Variants in TACC1 observed in about 807,000 individuals in gnomAD.
The protein encoded by TACC1 is transforming acidic coiled-coil containing protein 1, also known as transforming acidic coiled-coil-containing protein 1.
TACC1 carries 48 observed loss-of-function variants against 84.4 expected under a neutral mutation model. The observed-to-expected ratio is 0.57, with a 90% confidence interval of 0.45 to 0.72. The LOEUF (loss-of-function observed/expected upper bound fraction) is 0.72, where lower values mean the gene tolerates loss of function less well. Among genes scored for constraint, TACC1 ranks in the 30% least tolerant of loss-of-function variants. TACC1 has a pLI of 0.00. For missense variants in TACC1, 920 were observed against 973.0 expected, an observed-to-expected ratio of 0.95 and a Z score of 0.72; for synonymous variants, 372 against 376.3, an observed-to-expected ratio of 0.99 and a Z score of 0.13.
At chr8:38,799,892 G>T (rs1235401214) in intron 2 of TACC1, 1 of 152,270 alleles carries the variant, frequency 6.6e-6, no homozygotes, top group Admixed American at 6.5e-5. Context: ...CTTTGGATGT[G>T]TGTGCTGGCT....
At chr8:38,754,614 T>C (rs1809659429) in intron 3 of TACC1, among the ~76,000 whole-genome samples, 1 of 152,174 alleles carries the variant, frequency 6.6e-6, no homozygotes, top group Middle Eastern at 3.2e-3. Flanking sequence ...CAAGCTATGA[T>C]CATGCCACTG....
intron 3 of TACC1, among the ~76,000 whole-genome samples, chr8:38,769,526 T>C (rs528530612): frequency 7.4e-6 from 1 of 134,682 alleles, no homozygotes; most frequent in South Asian, 2.5e-4. Flanking sequence ...TGTGTATGTA[T>C]ATGTGAGACT....
chr8:38,773,370 C>T (rs1384160868), intron 3 of TACC1, among the ~76,000 whole-genome samples: 1 of 148,410 alleles, frequency 6.7e-6, no homozygotes, highest in African/African-American at 2.5e-5. Context: ...TATTAATATG[C>T]ATATCAAATA....
At chr8:38,831,296 G>T in intron 6 of TACC1, 119 bp downstream of exon 6, 1 of 1,013,626 alleles carries the variant, frequency 9.9e-7, no homozygotes, top group South Asian at 1.4e-5. Flanking sequence ...AAATGTAAAT[G>T]AGATAGTTTC....
chr8:38,773,697 G>A (rs1814192335), intron 3 of TACC1, among the ~76,000 whole-genome samples: 1 of 151,822 alleles, frequency 6.6e-6, no homozygotes, highest in African/African-American at 2.4e-5. Context: ...TCTTTATTCA[G>A]TCATCAAATA....
intron 3 of TACC1, among the ~76,000 whole-genome samples, chr8:38,772,670 T>A (rs1041422284): frequency 4.6e-5 from 7 of 152,172 alleles, no homozygotes; most frequent in Non-Finnish European, 8.8e-5. Flanking sequence ...AGCGGCATAA[T>A]GAATAAATAC....
upstream of TACC1, among the ~76,000 whole-genome samples, chr8:38,782,948 A>C (rs1816322166): frequency 6.6e-6 from 1 of 152,140 alleles, no homozygotes; most frequent in South Asian, 2.1e-4. Flanking sequence ...TTTACATCAC[A>C]GAGTAGAGAA....
intron 3 of TACC1, among the ~76,000 whole-genome samples, chr8:38,778,915 T>C (rs974693407): frequency 6.6e-6 from 1 of 151,918 alleles, no homozygotes; most frequent in Non-Finnish European, 1.5e-5. Context: ...TTTTATGCTC[T>C]GGCCCAATTT....
Position 38,839,746 on chromosome 8 carries a change from G to A in TACC1, c.1917-478G>A, listed in dbSNP as rs1048432873. On this transcript the variant is annotated intron_variant, in intron 8 of 12. Transcript: ENST00000317827. ...GTTGATCTTTAAAGTCTTTGAATAA[G>A]TGAAATACTTTTGGAATTAGGACAC... 7 of 165,652 alleles carry A rather than the reference G, an allele frequency of 4.2e-5. No homozygotes were observed. In the East Asian group the frequency reaches 1.2e-3, roughly 27 times the overall value. 10.3% of individuals were successfully genotyped at this position (165,652 alleles called of 1,614,324 possible). A position where few individuals can be genotyped will look rare whatever the true frequency, so the allele number is the denominator to read the frequency against.
intron 2 of TACC1, among the ~76,000 whole-genome samples, chr8:38,793,138 C>T (rs939393532): frequency 2.6e-5 from 4 of 152,178 alleles, no homozygotes; most frequent in Admixed American, 6.5e-5. Flanking sequence ...TAAACCTCTC[C>T]AGTTTGATGT....
In TACC1 at chr8:38,820,189, C is replaced by T. The variant is rs1250293821; in HGVS notation, c.945C>T (p.Ser315=). The T allele has an allele frequency of 6.2e-7, 1 of 1,614,054 alleles. No individual in the cohort carries two copies. Among genetic ancestry groups the T allele is most frequent in the South Asian group, 1.1e-5 (1 of 91,078 alleles). Residue 315 remains serine (S), a synonymous_variant, in exon 3 of 13, where the codon AGC becomes AGT. Transcript: ENST00000317827. ...TTGAGCTGGGGGAGGAGTCGAGGAGCTCACCTCTCAAGCTTGAGTTTGATT... is the reference window on the plus strand; with the variant it reads ...TTGAGCTGGGGGAGGAGTCGAGGAGTTCACCTCTCAAGCTTGAGTTTGATT... The part of the protein sequence containing the change: ...SGVELGEESR[S]SPLKLEFDFT...
At chr8:38,783,106 C>CTATCTATATA (rs1393110234), upstream of TACC1, among the ~76,000 whole-genome samples, 9 of 87,426 alleles carry the variant, frequency 1.0e-4, no homozygotes, top group East Asian at 4.0e-4. Flanking sequence ...ATCTATCTAT[C>CTATCTATATA]TATATATATA....
chr8:38,811,832 G>A (rs1824230493), intron 2 of TACC1, among the ~76,000 whole-genome samples: 1 of 152,206 alleles, frequency 6.6e-6, no homozygotes, highest in African/African-American at 2.4e-5. Context: ...GACTGCCTGT[G>A]GGGTCGGGCA....
chr8:38,775,858 G>A (rs773544220), intron 3 of TACC1, among the ~76,000 whole-genome samples: 26 of 152,156 alleles, frequency 1.7e-4, no homozygotes, highest in Non-Finnish European at 3.2e-4. Context: ...AGGGAAGACC[G>A]GTAAGGATAA....
At chr8:38,745,022 G>A (rs936010127) in exon 3 of TACC1, 2 of 153,936 alleles carry the variant, frequency 1.3e-5, no homozygotes, top group African/African-American at 4.8e-5. Context: ...AGCCAAATAA[G>A]CAAGTCCTTC....
At chr8:38,831,023 C>G in intron 5 of TACC1, 102 bp from the exon 6 acceptor site, 1 of 985,388 alleles carries the variant, frequency 1.0e-6, no homozygotes, top group Non-Finnish European at 1.6e-6. Flanking sequence ...TTCATGTGTT[C>G]ATAAGTCATT....
intron 3 of TACC1, among the ~76,000 whole-genome samples, chr8:38,748,296 T>C (rs1808424942): frequency 1.3e-5 from 2 of 152,102 alleles, no homozygotes; most frequent in South Asian, 4.1e-4. Context: ...TGCCTAATAA[T>C]AGTCTCAAAT....
chr8:38,836,209 T>A lies in TACC1; in HGVS notation c.1761T>A (p.Cys587Ter). Residue 587 changes from cysteine to a stop codon, truncating the protein, a stop_gained, in exon 7 of 13, where the codon TGT (cysteine) becomes TGA (stop). Coordinates refer to ENST00000317827, the MANE Select transcript of TACC1 (RefSeq NM_006283.3). LOFTEE classifies it high-confidence loss of function. ...AGAAGGCCCCTGTGTCGGTGTCCTG[T>A]GGAGGTGAGAGCCCCCTGGATGGGA... ...SAEKAPVSVS[C>*]GGESPLDGIC... The A allele has an allele frequency of 6.2e-7, 1 of 1,613,458 alleles. No homozygotes were observed.
At chr8:38,734,203 G>C (rs1345718189) in intron 1 of TACC1, among the ~76,000 whole-genome samples, 2 of 152,014 alleles carry the variant, frequency 1.3e-5, no homozygotes, top group African/African-American at 4.8e-5. Flanking sequence ...TTGTTTGTTT[G>C]TTTTTTCTAG....
Sources: gnomAD v4.1 joint callset for allele counts (sites outside exome capture counted in the v4.1 genomes callset) on GRCh38, gnomAD v4.1.1 for gene constraint, MANE v1.5 for transcripts, NCBI Gene and HGNC (gene_info 2026-07-23, HGNC 2026-07-21) for gene names.